Variants in CFAP299 observed in about 807,000 individuals in gnomAD.
CFAP299 encodes cilia and flagella associated protein 299.
A neutral mutation model predicts 27.0 loss-of-function variants in CFAP299; 21 were observed. That is an observed-to-expected ratio of 0.78 (90% CI 0.55 to 1.12). CFAP299 has a LOEUF of 1.12. Ranked by LOEUF, CFAP299 falls within the 50% of genes most tolerant of loss-of-function variation. The pLI is 0.00. For synonymous variants in CFAP299, 104 were observed against 98.1 expected, an observed-to-expected ratio of 1.06 and a Z score of -0.36; for missense variants, 310 against 276.6, an observed-to-expected ratio of 1.12 and a Z score of -0.86.
intron 2 of CFAP299, among the ~76,000 whole-genome samples, chr4:80,464,398 T>C (rs1216905454): frequency 6.6e-6 from 1 of 152,232 alleles, no homozygotes; most frequent in Non-Finnish European, 1.5e-5. Flanking sequence ...TGACATTCAC[T>C]GGCCATTCAA....
At chr4:80,753,457 A>G (rs1725052969) in intron 3 of CFAP299, among the ~76,000 whole-genome samples, 1 of 151,804 alleles carries the variant, frequency 6.6e-6, no homozygotes, top group Non-Finnish European at 1.5e-5. Context: ...TGTATATGAT[A>G]TTGGTTTTTT....
intron 3 of CFAP299, among the ~76,000 whole-genome samples, chr4:80,825,722 C>T (rs1043703113): frequency 1.3e-5 from 2 of 151,786 alleles, no homozygotes; most frequent in Admixed American, 6.6e-5. Context: ...TACTACTAGA[C>T]CTGTTGTGCA....
intron 3 of CFAP299, among the ~76,000 whole-genome samples, chr4:80,742,208 C>A (rs958128860): frequency 6.6e-6 from 1 of 152,062 alleles, no homozygotes; most frequent in Non-Finnish European, 1.5e-5. Flanking sequence ...TTTCTGTGTG[C>A]AGATACTTGT....
intron 3 of CFAP299, among the ~76,000 whole-genome samples, chr4:80,620,688 A>G (rs1301982680): frequency 1.3e-5 from 2 of 152,066 alleles, no homozygotes; most frequent in African/African-American, 4.8e-5. Context: ...TCAACTTTAC[A>G]TTACTGACTA....
intron 3 of CFAP299, among the ~76,000 whole-genome samples, chr4:80,659,424 A>G (rs1057434077): frequency 1.3e-5 from 2 of 152,050 alleles, no homozygotes; most frequent in Admixed American, 6.6e-5. Flanking sequence ...ATATCCAAAA[A>G]TAAATAAAAA....
chr4:80,376,514 G>A (rs182712360), intron 2 of CFAP299, among the ~76,000 whole-genome samples: 14 of 152,138 alleles, frequency 9.2e-5, no homozygotes, highest in African/African-American at 2.4e-4. Context: ...TGTCTGTATC[G>A]TTTTACTCTC....
intron 3 of CFAP299, among the ~76,000 whole-genome samples, chr4:80,752,631 A>G (rs1725001691): frequency 6.6e-6 from 1 of 151,458 alleles, no homozygotes; most frequent in Non-Finnish European, 1.5e-5. Flanking sequence ...TATATAACTT[A>G]CACTAATATT....
chr4:80,888,405 T>A (rs1734077547), intron 4 of CFAP299, among the ~76,000 whole-genome samples: 2 of 152,032 alleles, frequency 1.3e-5, no homozygotes, highest in African/African-American at 4.8e-5. Flanking sequence ...TATTTAATGA[T>A]AAAGGGATCA....
At chr4:80,903,865 G>T (rs573480845) in intron 4 of CFAP299, among the ~76,000 whole-genome samples, 1 of 152,134 alleles carries the variant, frequency 6.6e-6, no homozygotes, top group East Asian at 1.9e-4. Flanking sequence ...CATTTACATA[G>T]GGATTCATAG....
chr4:80,459,069 C>G (rs1189761566), intron 2 of CFAP299, among the ~76,000 whole-genome samples: 1 of 152,120 alleles, frequency 6.6e-6, no homozygotes, highest in Non-Finnish European at 1.5e-5. Flanking sequence ...CAACCTCAAA[C>G]TCTTGGGCTT....
chr4:80,938,832 T>C (rs1324153330), intron 4 of CFAP299, among the ~76,000 whole-genome samples: 1 of 152,210 alleles, frequency 6.6e-6, no homozygotes, highest in Non-Finnish European at 1.5e-5. Flanking sequence ...GGCAGGTATA[T>C]TGGTAATAAA....
intron 2 of CFAP299, chr4:80,386,584 G>C (rs1725019305): frequency 5.6e-6 from 9 of 1,598,244 alleles, no homozygotes; most frequent in Non-Finnish European, 6.9e-6. Context: ...GGTGATCTTT[G>C]AGGTATTTGT....
chr4:80,416,282 A>T (rs1417693538), intron 2 of CFAP299, among the ~76,000 whole-genome samples: 1 of 152,254 alleles, frequency 6.6e-6, no homozygotes, highest in East Asian at 1.9e-4. Context: ...GTTATGTAAC[A>T]AACATGTTAC....
chr4:80,500,942 A>G (rs1406599266), intron 2 of CFAP299, among the ~76,000 whole-genome samples: 1 of 152,140 alleles, frequency 6.6e-6, no homozygotes, highest in Non-Finnish European at 1.5e-5. Context: ...AATTACTGGA[A>G]TAACCTGCTG....
chr4:80,963,415 G>GT (rs913383438), intron 5 of CFAP299, 102 bp from the exon 6 acceptor site: 4,070 of 588,906 alleles, frequency 6.9e-3, no homozygotes, highest in South Asian at 8.1e-3. Flanking sequence ...AAACTTGCTA[G>GT]TTTTTTTTTC....
intron 4 of CFAP299, among the ~76,000 whole-genome samples, chr4:80,943,244 G>A (rs550254109): frequency 6.6e-6 from 1 of 152,162 alleles, no homozygotes; most frequent in Admixed American, 6.6e-5. Context: ...AAGGTAGTAG[G>A]GAAAGAAAAT....
At chr4:80,825,675 G>A (rs1047615178) in intron 3 of CFAP299, among the ~76,000 whole-genome samples, 2 of 151,902 alleles carry the variant, frequency 1.3e-5, no homozygotes, top group African/African-American at 4.8e-5. Context: ...GAAGAAATTA[G>A]GACATTCCCA....
chr4:80,673,800 T>C (rs1241296972), intron 3 of CFAP299, among the ~76,000 whole-genome samples: 2 of 152,070 alleles, frequency 1.3e-5, no homozygotes, highest in Non-Finnish European at 2.9e-5. Context: ...TCTTTGTTGG[T>C]TTAAAGTATG....
intron 3 of CFAP299, among the ~76,000 whole-genome samples, chr4:80,640,433 A>C (rs201025857): frequency 1.4e-3 from 211 of 152,218 alleles, no homozygotes; most frequent in Admixed American, 3.9e-3. Context: ...TTAGGTATAT[A>C]TCCCTCAGGC....
Sources: allele counts gnomAD v4.1 joint callset (sites outside exome capture counted in the v4.1 genomes callset), GRCh38; gene constraint gnomAD v4.1.1; transcripts MANE v1.5; gene names NCBI Gene and HGNC (gene_info 2026-07-23, HGNC 2026-07-21).